The following ARHGAP10 variants were observed in gnomAD, a reference collection of about 807,000 sequenced individuals.
ARHGAP10 encodes the protein rho GTPase-activating protein 10.
A neutral mutation model predicts 108.6 loss-of-function variants in ARHGAP10; 87 were observed. That is an observed-to-expected ratio of 0.80 (90% confidence interval 0.67 to 0.96). The LOEUF is 0.96. Ranked by LOEUF, ARHGAP10 falls within the 40% of genes least tolerant of loss-of-function variation. The pLI is 0.00. For missense variants in ARHGAP10, 939 were observed against 954.5 expected, an observed-to-expected ratio of 0.98 and a Z score of 0.21; for synonymous variants, 347 against 341.1, an observed-to-expected ratio of 1.02 and a Z score of -0.19.
At chr4:148,066,254 C>T (rs902212016) in intron 22 of ARHGAP10, among the ~76,000 whole-genome samples, 3 of 152,134 alleles carry the variant, frequency 2.0e-5, no homozygotes, top group South Asian at 2.1e-4. Flanking sequence ...GAAAACTTTT[C>T]CAGGAATTTC....
chr4:148,050,014 C>T (rs1578828055), intron 20 of ARHGAP10, among the ~76,000 whole-genome samples: 2 of 151,956 alleles, frequency 1.3e-5, no homozygotes, highest in Non-Finnish European at 2.9e-5. Flanking sequence ...ATTACAGGCA[C>T]GTGCCACCGC....
At chr4:147,986,304 C>T (rs1209624883) in intron 18 of ARHGAP10, among the ~76,000 whole-genome samples, 4 of 152,178 alleles carry the variant, frequency 2.6e-5, no homozygotes, top group African/African-American at 9.6e-5. Context: ...GGGTCATCAA[C>T]TTGCTCGAGG....
intron 19 of ARHGAP10, among the ~76,000 whole-genome samples, chr4:148,034,329 A>AT (rs1476483567): frequency 1.3e-5 from 2 of 151,986 alleles, no homozygotes; most frequent in Admixed American, 6.6e-5. Context: ...TTACTTATTT[A>AT]TTTTTTTGAG....
intron 3 of ARHGAP10, among the ~76,000 whole-genome samples, chr4:147,825,187 CCT>C (rs10532529): frequency 1 from 151,587 of 152,274 alleles, 75,457 homozygotes; most frequent in East Asian, 1. Flanking sequence ...GTGGCTGATG[CCT>C]CTGTAATCCC....
intron 10 of ARHGAP10, among the ~76,000 whole-genome samples, chr4:147,884,370 G>T (rs1735455680): frequency 6.6e-6 from 1 of 152,156 alleles, no homozygotes; most frequent in Non-Finnish European, 1.5e-5. Context: ...AGGACTTTAG[G>T]TCAGGGATCT....
At chr4:147,850,212 A>G (rs1214931689) in intron 4 of ARHGAP10, among the ~76,000 whole-genome samples, 1 of 152,206 alleles carries the variant, frequency 6.6e-6, no homozygotes, top group African/African-American at 2.4e-5. Context: ...AAATGGACCA[A>G]TCAGCACTCT....
At chr4:147,989,879 A>G (rs1560862002) in intron 18 of ARHGAP10, among the ~76,000 whole-genome samples, 1 of 152,246 alleles carries the variant, frequency 6.6e-6, no homozygotes, top group Non-Finnish European at 1.5e-5. Context: ...GGGAAGTGAT[A>G]AGTGTCCATG....
Position 147,972,561 on chromosome 4 carries a change from A to G in ARHGAP10, c.1716+5722A>G, listed in dbSNP as rs575175428. Among the ~76,000 whole-genome samples, 5 of 152,216 alleles carry G rather than the reference A, an allele frequency of 3.3e-5. No homozygotes were observed. In the South Asian group the frequency reaches 1.0e-3, roughly 32 times the overall value. On this transcript the variant is annotated intron_variant, in intron 18 of 22. Coordinates refer to ENST00000336498, the MANE Select transcript of ARHGAP10 (RefSeq NM_024605.4). ...GAAGACAGTAATATCCTTGAGAAAC[A>G]CCAAGATTTTCCTGTTAGGGGTAAT...
At chr4:147,823,797 G>T (rs886999283) in intron 3 of ARHGAP10, among the ~76,000 whole-genome samples, 16 of 152,020 alleles carry the variant, frequency 1.1e-4, no homozygotes, top group Admixed American at 1.0e-3. Flanking sequence ...AAAAACAGCT[G>T]TCCCCCATGG....
At chr4:148,035,184 ATGTACT>A (rs1728319639) in intron 19 of ARHGAP10, among the ~76,000 whole-genome samples, 1 of 152,128 alleles carries the variant, frequency 6.6e-6, no homozygotes, top group African/African-American at 2.4e-5. Context: ...TTTTCCTGGC[ATGTACT>A]TTTGGCATAT....
chr4:148,065,802 C>T (rs1729841971), intron 22 of ARHGAP10: 2 of 152,050 alleles, frequency 1.3e-5, no homozygotes, highest in South Asian at 2.1e-4. Flanking sequence ...TACTAGGATA[C>T]CTTAGGCTGC....
At chr4:147,780,316 C>T (rs1014542134) in intron 1 of ARHGAP10, among the ~76,000 whole-genome samples, 6 of 152,056 alleles carry the variant, frequency 3.9e-5, no homozygotes, top group African/African-American at 9.7e-5. Flanking sequence ...CAGATTCTGC[C>T]CTACCTCTCC....
chr4:147,917,631 C>A (rs547183559), intron 13 of ARHGAP10, among the ~76,000 whole-genome samples: 2 of 152,230 alleles, frequency 1.3e-5, no homozygotes, highest in African/African-American at 4.8e-5. Flanking sequence ...TTAAGAGTTT[C>A]AGAAAGTAGT....
intron 21 of ARHGAP10, among the ~76,000 whole-genome samples, chr4:148,064,019 G>A (rs757372643): frequency 7.2e-5 from 11 of 152,188 alleles, no homozygotes; most frequent in Non-Finnish European, 1.5e-4. Flanking sequence ...TGGCTGTGCC[G>A]CCTCCTTCTG....
rs181581123 is a variant in ARHGAP10 at position 147,871,429 on chromosome 4, T to C, written c.703-3592T>C. On this transcript the variant is annotated intron_variant, in intron 7 of 22. Coordinates refer to ENST00000336498, the MANE Select transcript of ARHGAP10 (RefSeq NM_024605.4). ...TTTTACAATGATATGGTTTAGTTTCTATAATCAGAAAAAAGTTTTTTAAAG... is the reference window on the plus strand; with the variant it reads ...TTTTACAATGATATGGTTTAGTTTCCATAATCAGAAAAAAGTTTTTTAAAG... 7.5e-4 allele frequency among the ~76,000 whole-genome samples: 115 copies of C among 152,358 alleles called. No homozygotes were observed. In the South Asian group the frequency reaches 8.1e-3, roughly 11 times the overall value.
At chr4:147,734,146 A>G (rs761880574) in intron 1 of ARHGAP10, among the ~76,000 whole-genome samples, 41 of 152,044 alleles carry the variant, frequency 2.7e-4, no homozygotes, top group Non-Finnish European at 4.9e-4. Flanking sequence ...GGGAGAATGT[A>G]CCTTCTCTCT....
chr4:147,778,721 C>G (rs1160269593), intron 1 of ARHGAP10, among the ~76,000 whole-genome samples: 1 of 152,094 alleles, frequency 6.6e-6, no homozygotes, highest in East Asian at 1.9e-4. Context: ...CTTTTTGCTC[C>G]AAACTGGCAC....
intron 3 of ARHGAP10, among the ~76,000 whole-genome samples, chr4:147,841,656 A>G (rs1212603032): frequency 6.6e-6 from 1 of 152,160 alleles, no homozygotes; most frequent in African/African-American, 2.4e-5. Flanking sequence ...AGAAAAGGAA[A>G]TTCTTGTTGC....
chr4:147,807,904 C>T (rs140492441), intron 1 of ARHGAP10, among the ~76,000 whole-genome samples: 105 of 152,322 alleles, frequency 6.9e-4, no homozygotes, highest in African/African-American at 2.4e-3. Context: ...GGTCCTCGTC[C>T]TCCTTTGGTT....
Sources: allele counts gnomAD v4.1 joint callset (sites outside exome capture counted in the v4.1 genomes callset), GRCh38; gene constraint gnomAD v4.1.1; transcripts MANE v1.5; gene names NCBI Gene and HGNC (gene_info 2026-07-23, HGNC 2026-07-21).